The following UNC5D variants were observed in gnomAD, a reference collection of about 807,000 sequenced individuals.
The protein encoded by UNC5D is netrin receptor UNC5D.
UNC5D carries 39 observed loss-of-function variants against 105.4 expected under a neutral mutation model. That is an observed-to-expected ratio of 0.37 (90% confidence interval 0.29 to 0.48). The LOEUF (loss-of-function observed/expected upper bound fraction) is 0.48, where lower values mean the gene tolerates loss of function less well. Ranked by LOEUF, UNC5D falls within the 20% of genes least tolerant of loss-of-function variation. The pLI is 0.98. For missense variants in UNC5D, 991 were observed against 1,202.4 expected (o/e 0.82, Z 2.60); for synonymous variants, 452 against 450.4 (o/e 1.00, Z -0.04).
chr8:35,236,738 A>C (rs900379206), intron 1 of UNC5D, among the ~76,000 whole-genome samples: 1 of 152,188 alleles, frequency 6.6e-6, no homozygotes, highest in African/African-American at 2.4e-5. Flanking sequence ...GATAAATCCC[A>C]AGGAGTTGTT....
rs1401860965 is a variant in UNC5D, at chr8:35,796,482, T to C, written c.*5919T>C. The C allele has an allele frequency of 7.2e-6, 1 of 139,776 alleles. No homozygotes were observed. The highest frequency in any genetic ancestry group is 2.7e-5 in the African/African-American group (1 of 36,780). 8.7% of individuals were successfully genotyped at this position (139,776 alleles called of 1,614,324 possible). A position where few individuals can be genotyped will look rare whatever the true frequency, so the allele number is the denominator to read the frequency against. On this transcript the variant is annotated 3_prime_UTR_variant, in exon 17 of 17. Transcript: ENST00000404895. ...ATGGTTGCAGACTTTTCAAGATAAA[T>C]GTACAGACGTAAATTACTGCATATC...
At chr8:35,594,353 T>A (rs958903221) in intron 3 of UNC5D, among the ~76,000 whole-genome samples, 2 of 152,240 alleles carry the variant, frequency 1.3e-5, no homozygotes, top group African/African-American at 4.8e-5. Context: ...AATGTATTTA[T>A]ACAATTTATA....
At chr8:35,396,237 C>T (rs985298170) in intron 1 of UNC5D, among the ~76,000 whole-genome samples, 15 of 152,192 alleles carry the variant, frequency 9.9e-5, no homozygotes, top group Middle Eastern at 3.4e-3. Flanking sequence ...TCACCAGGAG[C>T]ACTCATAGGA....
At chr8:35,360,497 A>G (rs2128917472) in intron 1 of UNC5D, among the ~76,000 whole-genome samples, 1 of 152,292 alleles carries the variant, frequency 6.6e-6, no homozygotes. Context: ...CTTGATGCAC[A>G]GCTCGGCATA....
At chr8:35,370,073 A>C (rs1802343127) in intron 1 of UNC5D, among the ~76,000 whole-genome samples, 1 of 152,118 alleles carries the variant, frequency 6.6e-6, no homozygotes. Flanking sequence ...CTTTTTATGC[A>C]GACTTTGTAA....
At chr8:35,662,186 C>A (rs199546633) in intron 4 of UNC5D, among the ~76,000 whole-genome samples, 1,003 of 107,160 alleles carry the variant, frequency 9.4e-3, no homozygotes, top group South Asian at 0.012. Context: ...CAAAAGCTTT[C>A]AAAAAAAAAA....
chr8:35,363,381 G>T (rs1389991743), intron 1 of UNC5D, among the ~76,000 whole-genome samples: 1 of 152,010 alleles, frequency 6.6e-6, no homozygotes, highest in Non-Finnish European at 1.5e-5. Context: ...AGAACAATAT[G>T]GGGAAAACCA....
chr8:35,354,005 C>T (rs755334854), intron 1 of UNC5D, among the ~76,000 whole-genome samples: 9 of 152,026 alleles, frequency 5.9e-5, no homozygotes, highest in Non-Finnish European at 1.3e-4. Context: ...AAGTAAATCA[C>T]TTAGCTTGAA....
intron 3 of UNC5D, among the ~76,000 whole-genome samples, chr8:35,570,764 AC>A (rs1176360363): frequency 1.3e-5 from 2 of 150,974 alleles, no homozygotes; most frequent in Non-Finnish European, 2.9e-5. Context: ...GACCAGCCTG[AC>A]CAACATGGAG....
At chr8:35,785,712 C>T (rs1377096401) in intron 16 of UNC5D, among the ~76,000 whole-genome samples, 13 of 152,114 alleles carry the variant, frequency 8.5e-5, no homozygotes, top group Admixed American at 8.5e-4. Context: ...GTGTGAGAAA[C>T]ACACTCACCC....
At chr8:35,477,383 T>G (rs1810181090) in intron 1 of UNC5D, among the ~76,000 whole-genome samples, 1 of 152,080 alleles carries the variant, frequency 6.6e-6, no homozygotes, top group South Asian at 2.1e-4. Flanking sequence ...TCATTACATG[T>G]CATTTGGATA....
chr8:35,793,306 C>A lies in UNC5D; in HGVS notation c.*2743C>A, dbSNP rs1451950520. On this transcript the variant is annotated 3_prime_UTR_variant, in exon 17 of 17. Coordinates refer to ENST00000404895, the MANE Select transcript of UNC5D (RefSeq NM_080872.4). ...AATTGCAGATCAGATAAAAAGTGAG[C>A]TTACACTTGAACTTAGTTATTCACT... The A allele has an allele frequency of 2.9e-6, 1 of 343,898 alleles. No individual in the cohort carries two copies. 21.3% of individuals were successfully genotyped at this position (343,898 alleles called of 1,614,324 possible).
At chr8:35,473,473 C>A (rs1357022963) in intron 1 of UNC5D, among the ~76,000 whole-genome samples, 1 of 152,050 alleles carries the variant, frequency 6.6e-6, no homozygotes. Context: ...TTTTTCTCAT[C>A]CACTGCACAT....
At chr8:35,237,681 A>G (rs184237942) in intron 1 of UNC5D, among the ~76,000 whole-genome samples, 31 of 152,304 alleles carry the variant, frequency 2.0e-4, no homozygotes, top group Admixed American at 1.8e-3. Context: ...TTTACAACAA[A>G]TGTCTTGCAC....
rs574522899 is a variant in UNC5D at position 35,707,711 on chromosome 8, A to G, written c.1117+1750A>G. On this transcript the variant is annotated intron_variant, in intron 8 of 16. Transcript: ENST00000404895. ...ATGCATGTATGTGTTTTTAAAATTA[A>G]TTTCACACTTAGTTTGTGAGTCCTG... Among the ~76,000 whole-genome samples, 9 of 152,224 alleles carry G rather than the reference A, an allele frequency of 5.9e-5. No individual in the cohort carries two copies. The East Asian group carries it at 1.7e-3, about 29-fold the overall frequency.
chr8:35,556,826 G>A (rs1420332338), intron 2 of UNC5D, among the ~76,000 whole-genome samples: 1 of 152,168 alleles, frequency 6.6e-6, no homozygotes, highest in Non-Finnish European at 1.5e-5. Context: ...AACATCTAGA[G>A]ACTAGGAATG....
intron 1 of UNC5D, among the ~76,000 whole-genome samples, chr8:35,403,966 T>C (rs1459383906): frequency 6.6e-6 from 1 of 152,154 alleles, no homozygotes; most frequent in Admixed American, 6.5e-5. Context: ...GCCAGCTCTC[T>C]GGTTTGCTGT....
chr8:35,490,691 G>A (rs1365675205), intron 1 of UNC5D, among the ~76,000 whole-genome samples: 1 of 152,026 alleles, frequency 6.6e-6, no homozygotes, highest in Non-Finnish European at 1.5e-5. Flanking sequence ...CAGTAGACAT[G>A]GATTAAATGT....
At chr8:35,528,120 TG>T (rs1375913161) in intron 1 of UNC5D, among the ~76,000 whole-genome samples, 1 of 148,252 alleles carries the variant, frequency 6.7e-6, no homozygotes, top group African/African-American at 2.5e-5. Context: ...TATGTATACA[TG>T]TGCCATGCTG....
Sources: gnomAD v4.1 joint callset for allele counts (sites outside exome capture counted in the v4.1 genomes callset) on GRCh38, gnomAD v4.1.1 for gene constraint, MANE v1.5 for transcripts, NCBI Gene and HGNC (gene_info 2026-07-23, HGNC 2026-07-21) for gene names.